The following MOCOS variants were observed in gnomAD, a reference collection of about 807,000 sequenced individuals.
The protein encoded by MOCOS is molybdenum cofactor sulfurase.
MOCOS carries 86 observed loss-of-function variants against 83.6 expected under a neutral mutation model. The ratio of observed to expected loss-of-function variants is 1.03; its 90% CI spans 0.86 to 1.23. The LOEUF is 1.23. Ranked by LOEUF, MOCOS falls within the 50% of genes most tolerant of loss-of-function variation. The pLI, the probability that MOCOS is intolerant of heterozygous loss-of-function variation, is 0.00. For missense variants in MOCOS, 1,120 were observed against 1,126.9 expected, an observed-to-expected ratio of 0.99 and a Z score of 0.09; for synonymous variants, 445 against 434.7, an observed-to-expected ratio of 1.02 and a Z score of -0.29.
intron 9 of MOCOS, among the ~76,000 whole-genome samples, chr18:36,241,787 T>C (rs988358512): frequency 6.6e-6 from 1 of 152,246 alleles, no homozygotes; most frequent in African/African-American, 2.4e-5. Context: ...ATCTCAGTTC[T>C]TGACTTTTGT....
At chr18:36,203,069 T>C (rs2091420710) in intron 4 of MOCOS, 44 bp from the exon 5 acceptor site, 3 of 1,574,892 alleles carry the variant, frequency 1.9e-6, no homozygotes, top group African/African-American at 1.3e-5. Flanking sequence ...ACATGGATTG[T>C]TTTGACCACA....
intron 6 of MOCOS, among the ~76,000 whole-genome samples, chr18:36,208,360 T>C (rs1456815239): frequency 6.6e-6 from 1 of 152,190 alleles, no homozygotes; most frequent in East Asian, 1.9e-4. Flanking sequence ...TTGATAGGAA[T>C]AACATTGACT....
intron 9 of MOCOS, among the ~76,000 whole-genome samples, chr18:36,246,407 C>T (rs1282077908): frequency 1.4e-5 from 2 of 146,988 alleles, no homozygotes; most frequent in Non-Finnish European, 2.9e-5. Flanking sequence ...CTGGTTCTAG[C>T]CATTTAGCAG....
Position 36,268,936 on chromosome 18 carries a change from G to A in MOCOS, c.*251G>A. The A allele has an allele frequency of 1.9e-6, 1 of 519,926 alleles. No individual in the cohort carries two copies. Among genetic ancestry groups the A allele is most frequent in the South Asian group, 2.3e-5 (1 of 44,158 alleles). The allele number at this position is 519,926 out of a possible 1,614,324, so 32.2% of individuals were successfully genotyped here. On this transcript the variant is annotated 3_prime_UTR_variant, in exon 15 of 15. Transcript: ENST00000261326. ...CCCACATCCAGTGAGGCTCCTGTAGGTATTTGAAGTATAATCACTTGTAAT... is the reference window on the plus strand; with the variant it reads ...CCCACATCCAGTGAGGCTCCTGTAGATATTTGAAGTATAATCACTTGTAAT...
intron 14 of MOCOS, 128 bp from the exon 15 acceptor site, chr18:36,268,405 G>A: frequency 9.1e-7 from 1 of 1,102,716 alleles, no homozygotes; most frequent in Non-Finnish European, 1.3e-6. Flanking sequence ...ACAGATAGGA[G>A]ATATCAAGTC....
At chr18:36,253,181 G>A (rs996730213) in intron 11 of MOCOS, among the ~76,000 whole-genome samples, 3 of 152,224 alleles carry the variant, frequency 2.0e-5, no homozygotes, top group Non-Finnish European at 2.9e-5. Context: ...TGGGTTTCAG[G>A]AGGCTGGCTG....
intron 9 of MOCOS, among the ~76,000 whole-genome samples, chr18:36,239,590 A>G (rs11664667): frequency 0.59 from 80,892 of 137,984 alleles, 24,829 homozygotes; most frequent in African/African-American, 0.73. Context: ...TTTCAACTTT[A>G]GTGAATCTGA....
chr18:36,194,408 CTTATTA>C (rs766791817), intron 1 of MOCOS, among the ~76,000 whole-genome samples: 1 of 152,088 alleles, frequency 6.6e-6, no homozygotes, highest in African/African-American at 2.4e-5. Flanking sequence ...CATGTCAGTA[CTTATTA>C]TTAGTGTACA....
chr18:36,228,744 C>T (rs1406640797), intron 9 of MOCOS, among the ~76,000 whole-genome samples: 1 of 151,600 alleles, frequency 6.6e-6, no homozygotes, highest in Non-Finnish European at 1.5e-5. Context: ...AGGCTTAATA[C>T]CTGGGTGATG....
intron 13 of MOCOS, among the ~76,000 whole-genome samples, chr18:36,263,713 A>T (rs1452310556): frequency 6.6e-6 from 1 of 152,116 alleles, no homozygotes; most frequent in Non-Finnish European, 1.5e-5. Context: ...GGAGAGGGGG[A>T]TCACTGCTGT....
chr18:36,227,521 G>A (rs890163998), intron 9 of MOCOS, among the ~76,000 whole-genome samples: 2 of 151,786 alleles, frequency 1.3e-5, no homozygotes, highest in South Asian at 2.1e-4. Flanking sequence ...TCAGCTTTCC[G>A]GGTAGCTGGG....
chr18:36,234,922 C>T (rs191195672), intron 9 of MOCOS, among the ~76,000 whole-genome samples: 8 of 152,248 alleles, frequency 5.3e-5, no homozygotes, highest in African/African-American at 1.9e-4. Flanking sequence ...AACTTACTCA[C>T]TATCATGCAA....
chr18:36,202,287 T>C (rs1017398103), intron 4 of MOCOS, among the ~76,000 whole-genome samples: 3 of 78,492 alleles, frequency 3.8e-5, no homozygotes, highest in African/African-American at 1.5e-4. Context: ...AAGTATTTGA[T>C]CAATAAATAA....
rs1294348254 is a variant in MOCOS at position 36,268,724 on chromosome 18, C to G, written c.*39C>G. 2 of 1,521,454 alleles carry G rather than the reference C, an allele frequency of 1.3e-6. No homozygotes were observed. Among genetic ancestry groups the G allele is most frequent in the African/African-American group, 2.7e-5 (2 of 72,766 alleles). The allele number at this position is 1,521,454 out of a possible 1,614,324, so 94.2% of individuals were successfully genotyped here. ...CATAAAGTTTCTCTTTTACAGTGAT[C>G]TCTATTATTGTTAAGATCTGCAACT... is the stretch of plus-strand genomic sequence containing the variant. On this transcript the variant is annotated 3_prime_UTR_variant, in exon 15 of 15. Transcript: ENST00000261326.
intron 7 of MOCOS, among the ~76,000 whole-genome samples, chr18:36,214,507 C>G (rs1483384437): frequency 6.6e-6 from 1 of 151,960 alleles, no homozygotes; most frequent in South Asian, 2.1e-4. Flanking sequence ...CTCCCAGAAT[C>G]CCCACCCTCC....
At chr18:36,226,273 CCTT>C (rs1239525136) in intron 9 of MOCOS, among the ~76,000 whole-genome samples, 5 of 152,050 alleles carry the variant, frequency 3.3e-5, no homozygotes, top group Non-Finnish European at 7.4e-5. Flanking sequence ...CATAAAATGT[CCTT>C]CTTTATCTCT....
chr18:36,257,165 G>A, intron 12 of MOCOS, 92 bp downstream of exon 12: 1 of 1,121,554 alleles, frequency 8.9e-7, no homozygotes, highest in Admixed American at 1.7e-5. Flanking sequence ...AGAGATCTGA[G>A]AGTCATGAAG....
chr18:36,257,912 T>C (rs1192198102), intron 12 of MOCOS, among the ~76,000 whole-genome samples: 1 of 152,240 alleles, frequency 6.6e-6, no homozygotes, highest in Non-Finnish European at 1.5e-5. Flanking sequence ...AGCCACCTCG[T>C]CCGCCTCTGC....
intron 9 of MOCOS, among the ~76,000 whole-genome samples, chr18:36,244,134 TC>T (rs2091594358): frequency 6.6e-6 from 1 of 152,112 alleles, no homozygotes; most frequent in Non-Finnish European, 1.5e-5. Flanking sequence ...GTTACTCTGA[TC>T]TTTGTTATTT....
Sources: gnomAD v4.1 joint callset for allele counts (sites outside exome capture counted in the v4.1 genomes callset) on GRCh38, gnomAD v4.1.1 for gene constraint, MANE v1.5 for transcripts, NCBI Gene and HGNC (gene_info 2026-07-23, HGNC 2026-07-21) for gene names.